The following ZNF451 variants were observed in gnomAD, a reference collection of about 807,000 sequenced individuals.
ZNF451 encodes E3 SUMO-protein ligase ZNF451.
A neutral mutation model predicts 107.1 loss-of-function variants in ZNF451; 80 were observed. The ratio of observed to expected loss-of-function variants is 0.75; its 90% CI spans 0.62 to 0.90. The LOEUF (loss-of-function observed/expected upper bound fraction) is 0.90, where lower values mean the gene tolerates loss of function less well. Ranked by LOEUF, ZNF451 falls within the 40% of genes least tolerant of loss-of-function variation. ZNF451 has a pLI of 0.00. For synonymous variants in ZNF451, 362 were observed against 406.5 expected (o/e 0.89, Z 1.32); for missense variants, 1,107 against 1,236.2 (o/e 0.90, Z 1.57).
At chr6:57,107,485 G>A in intron 3 of ZNF451, 1 of 985,056 alleles carries the variant, frequency 1.0e-6, no homozygotes. Flanking sequence ...TTGTTTAATG[G>A]TAGTAGTATT....
intron 14 of ZNF451, 47 bp downstream of exon 14, chr6:57,161,199 T>A: frequency 8.5e-7 from 1 of 1,173,180 alleles, no homozygotes; most frequent in Non-Finnish European, 1.2e-6. Flanking sequence ...GTATCTGTAT[T>A]TTTTTTTTAA....
intron 2 of ZNF451, among the ~76,000 whole-genome samples, chr6:57,095,361 G>A (rs1053306047): frequency 4.3e-5 from 6 of 140,828 alleles, no homozygotes; most frequent in Non-Finnish European, 7.6e-5. Flanking sequence ...AAGAGATAGG[G>A]TCTCAGTCTT....
At chr6:57,136,250 T>G (rs745744688) in intron 7 of ZNF451, among the ~76,000 whole-genome samples, 1 of 152,130 alleles carries the variant, frequency 6.6e-6, no homozygotes, top group Admixed American at 6.5e-5. Context: ...GAAGAAACTA[T>G]TATAGAACAG....
At chr6:57,097,103 A>G (rs1347231019) in intron 2 of ZNF451, among the ~76,000 whole-genome samples, 1 of 152,138 alleles carries the variant, frequency 6.6e-6, no homozygotes, top group Admixed American at 6.5e-5. Flanking sequence ...ATTTTAAAGT[A>G]GGTGATTCAG....
rs2127966713 is a variant in ZNF451, at chr6:57,133,208, A to G, written c.575+16A>G. ...ATTTGAAAAGGTAAGTAGGATATTC[A>G]TAATAGTGAATGCTGAAGATCTAGT... On this transcript the variant is annotated intron_variant, in intron 6 of 14. Coordinates refer to ENST00000370706, the MANE Select transcript of ZNF451 (RefSeq NM_001031623.3). The G allele has an allele frequency of 6.2e-7, 1 of 1,606,660 alleles. No individual in the cohort carries two copies. Among genetic ancestry groups the G allele is most frequent in the Non-Finnish European group, 8.5e-7 (1 of 1,174,766 alleles).
At chr6:57,160,123 T>A (rs1334737025) in intron 13 of ZNF451, among the ~76,000 whole-genome samples, 1 of 152,224 alleles carries the variant, frequency 6.6e-6, no homozygotes, top group African/African-American at 2.4e-5. Flanking sequence ...AAAAAAGTTG[T>A]GAAGATAGTA....
intron 3 of ZNF451, chr6:57,109,017 C>A: frequency 1.0e-6 from 1 of 985,408 alleles, no homozygotes; most frequent in Non-Finnish European, 1.2e-6. Context: ...TTTACATACA[C>A]AAATCTTTTC....
At chr6:57,096,026 G>A (rs925089641) in intron 2 of ZNF451, among the ~76,000 whole-genome samples, 1 of 151,856 alleles carries the variant, frequency 6.6e-6, no homozygotes, top group Non-Finnish European at 1.5e-5. Context: ...GTTTTGCCAT[G>A]TTGGCCCAGA....
In ZNF451 at chr6:57,156,328, T is replaced by C. The variant is rs574120709; in HGVS notation, c.3070+2281T>C. ...AAAAATCATTTTCTTGGATAACTTT[T>C]ATTCCATTTCCTTTCCTAACAAATA... On this transcript the variant is annotated intron_variant, in intron 13 of 14. Coordinates refer to ENST00000370706, the MANE Select transcript of ZNF451 (RefSeq NM_001031623.3). Among the ~76,000 whole-genome samples, 5 of 152,346 alleles carry C rather than the reference T, an allele frequency of 3.3e-5. No individual in the cohort carries two copies. In the East Asian group the frequency reaches 9.6e-4, roughly 29 times the overall value.
intron 13 of ZNF451, chr6:57,159,412 T>G: frequency 1.0e-6 from 1 of 985,368 alleles, no homozygotes; most frequent in Non-Finnish European, 1.2e-6. Flanking sequence ...CCTTTTGTTC[T>G]TAATGTTTAG....
Position 57,105,812 on chromosome 6 carries a change from G to A in ZNF451, c.186+6671G>A, listed in dbSNP as rs1164205351. ...GAATAAGCAAGGACATTTTTAAAAAGCAGTAAATTTGCTGACACTTTTATC... is the reference window on the plus strand; with the variant it reads ...GAATAAGCAAGGACATTTTTAAAAAACAGTAAATTTGCTGACACTTTTATC... On this transcript the variant is annotated intron_variant, in intron 3 of 14. Coordinates refer to ENST00000370706, the MANE Select transcript of ZNF451 (RefSeq NM_001031623.3). 5 of 985,290 alleles carry A rather than the reference G, an allele frequency of 5.1e-6. No individual in the cohort carries two copies. The African/African-American group carries it at 7.0e-5, about 14-fold the overall frequency. The allele number at this position is 985,290 out of a possible 1,614,324, so 61.0% of individuals were successfully genotyped here. A position where few individuals can be genotyped will look rare whatever the true frequency, so the allele number is the denominator to read the frequency against.
At chr6:57,098,972 G>T in intron 2 of ZNF451, 89 bp from the exon 3 acceptor site, 1 of 978,768 alleles carries the variant, frequency 1.0e-6, no homozygotes. Context: ...ATTCTTGCCA[G>T]TCCCAACCAA....
rs151205027 is a variant in ZNF451 at position 57,130,373 on chromosome 6, T to G, written c.424+1533T>G. ...TAAAAATCCCTCTTCATGTACATTC[T>G]TCTCAGTGGAAGAAGTTAATGACTA... On this transcript the variant is annotated intron_variant, in intron 5 of 14. Coordinates refer to ENST00000370706, the MANE Select transcript of ZNF451 (RefSeq NM_001031623.3). Among the ~76,000 whole-genome samples the G allele has an allele frequency of 8.2e-3, 1,246 of 152,274 alleles. 27 individuals are homozygous for G. Among genetic ancestry groups the G allele is most frequent in the East Asian group, 0.019 (96 of 5,184 alleles).
At chr6:57,102,723 G>C (rs1209540454) in intron 3 of ZNF451, 1 of 985,338 alleles carries the variant, frequency 1.0e-6, no homozygotes, top group Non-Finnish European at 1.2e-6. Context: ...GCCAAATCCA[G>C]TTTGCTTCCC....
chr6:57,166,477 T>A (rs572985019), intron 14 of ZNF451, among the ~76,000 whole-genome samples: 17 of 152,340 alleles, frequency 1.1e-4, no homozygotes, highest in African/African-American at 4.1e-4. Context: ...GAGAAATATT[T>A]TCTTTATATC....
intron 5 of ZNF451, among the ~76,000 whole-genome samples, chr6:57,130,875 T>C (rs1025316105): frequency 6.6e-6 from 1 of 152,144 alleles, no homozygotes; most frequent in Non-Finnish European, 1.5e-5. Context: ...TGATCTTTTT[T>C]GTGTGATGGG....
chr6:57,113,959 C>T (rs1029575194), intron 3 of ZNF451, among the ~76,000 whole-genome samples: 1 of 152,198 alleles, frequency 6.6e-6, no homozygotes, highest in African/African-American at 2.4e-5. Flanking sequence ...AGAGCCAGTT[C>T]TGTCTGGCAT....
intron 1 of ZNF451, 73 bp downstream of exon 1, chr6:57,090,347 G>A: frequency 6.3e-7 from 1 of 1,585,490 alleles, no homozygotes; most frequent in Non-Finnish European, 8.6e-7. Context: ...TGCGGTCTGA[G>A]GCCTGGTGCT....
At chr6:57,144,084 GATAGCTA>G (rs1831927972) in intron 9 of ZNF451, among the ~76,000 whole-genome samples, 1 of 152,040 alleles carries the variant, frequency 6.6e-6, no homozygotes, top group Non-Finnish European at 1.5e-5. Flanking sequence ...GTGGGGAGGT[GATAGCTA>G]AAGGGCATGG....
Sources: allele counts gnomAD v4.1 joint callset (sites outside exome capture counted in the v4.1 genomes callset), GRCh38; gene constraint gnomAD v4.1.1; transcripts MANE v1.5; gene names NCBI Gene and HGNC (gene_info 2026-07-23, HGNC 2026-07-21).